Variants in SGCZ observed in about 807,000 individuals in gnomAD.
SGCZ encodes the protein sarcoglycan zeta, also known as zeta-sarcoglycan.
In SGCZ, 40 loss-of-function variants were observed where a neutral mutation model predicts 41.3. The observed-to-expected ratio is 0.97, with a 90% CI of 0.75 to 1.26. The LOEUF (loss-of-function observed/expected upper bound fraction) is 1.26. SGCZ is among the 50% of genes most tolerant of loss of function. SGCZ has a pLI of 0.00. For missense variants in SGCZ, 552 were observed against 369.8 expected, an observed-to-expected ratio of 1.49 and a Z score of -4.04; for synonymous variants, 206 against 137.5, an observed-to-expected ratio of 1.50 and a Z score of -3.49.
At chr8:14,885,616 A>G (rs1362613830) in intron 1 of SGCZ, among the ~76,000 whole-genome samples, 1 of 152,042 alleles carries the variant, frequency 6.6e-6, no homozygotes, top group Non-Finnish European at 1.5e-5. Flanking sequence ...CTTAACTGAC[A>G]TCTTAAAGTC....
chr8:15,189,689 C>G (rs571791090), intron 1 of SGCZ, among the ~76,000 whole-genome samples: 9 of 152,098 alleles, frequency 5.9e-5, no homozygotes, highest in African/African-American at 2.2e-4. Context: ...GCTGGGATTA[C>G]AGGTGCGTGC....
In SGCZ at chr8:14,586,900, G is replaced by A. The variant is rs149670616; in HGVS notation, c.40-31974C>T. 6.1e-3 allele frequency among the ~76,000 whole-genome samples: 926 copies of A among 151,946 alleles called. 11 individuals carry two copies. Among genetic ancestry groups the A allele is most frequent in the African/African-American group, 0.021 (880 of 41,446 alleles). ...AAATTTTGACAGATTAATAAAGTTC[G>A]TAGTGGTGATTACCTAGTTAAATTG... On this transcript the variant is annotated intron_variant, in intron 1 of 7. Coordinates refer to ENST00000382080, the MANE Select transcript of SGCZ (RefSeq NM_139167.4).
At chr8:15,167,560 A>C (rs772865770) in intron 1 of SGCZ, among the ~76,000 whole-genome samples, 1 of 152,222 alleles carries the variant, frequency 6.6e-6, no homozygotes, top group Non-Finnish European at 1.5e-5. Context: ...ATCAAAGCCA[A>C]ACCAAAAGGC....
intron 6 of SGCZ, among the ~76,000 whole-genome samples, chr8:14,105,210 G>A (rs953076904): frequency 1.3e-5 from 2 of 152,020 alleles, no homozygotes; most frequent in Non-Finnish European, 2.9e-5. Flanking sequence ...GTTTTAAAAT[G>A]CACATGGAAA....
At chr8:14,170,647 C>A (rs1804350798) in intron 4 of SGCZ, among the ~76,000 whole-genome samples, 1 of 152,018 alleles carries the variant, frequency 6.6e-6, no homozygotes, top group South Asian at 2.1e-4. Context: ...AACATATGTA[C>A]AAAATATTGT....
chr8:14,440,957 T>G (rs1800244140), intron 2 of SGCZ, among the ~76,000 whole-genome samples: 1 of 152,080 alleles, frequency 6.6e-6, no homozygotes, highest in African/African-American at 2.4e-5. Context: ...TCATGGAGAC[T>G]TTATGAAGGA....
intron 1 of SGCZ, among the ~76,000 whole-genome samples, chr8:15,156,163 G>C (rs985536642): frequency 1.3e-5 from 2 of 150,758 alleles, no homozygotes; most frequent in Non-Finnish European, 2.9e-5. Flanking sequence ...ATTTTTTTCT[G>C]TATGTTTCAC....
chr8:15,031,165 T>C (rs538414624), intron 1 of SGCZ, among the ~76,000 whole-genome samples: 1 of 152,300 alleles, frequency 6.6e-6, no homozygotes, highest in African/African-American at 2.4e-5. Flanking sequence ...CAGGATGCTA[T>C]GGCACTTTTA....
intron 7 of SGCZ, among the ~76,000 whole-genome samples, chr8:14,095,426 A>G (rs1417269292): frequency 6.6e-6 from 1 of 152,102 alleles, no homozygotes; most frequent in East Asian, 1.9e-4. Flanking sequence ...CAAAGTTCAG[A>G]TGGTCGTAGA....
chr8:14,277,650 C>G (rs1563229685), intron 3 of SGCZ, among the ~76,000 whole-genome samples: 1 of 152,024 alleles, frequency 6.6e-6, no homozygotes, highest in Admixed American at 6.6e-5. Context: ...GAATGATACC[C>G]TGAAGTATGG....
At chr8:14,938,555 T>C (rs1242547815) in intron 1 of SGCZ, among the ~76,000 whole-genome samples, 1 of 152,228 alleles carries the variant, frequency 6.6e-6, no homozygotes, top group Non-Finnish European at 1.5e-5. Context: ...ATACATAACA[T>C]ACAAATATGT....
At chr8:15,074,790 G>T (rs1424345206) in intron 1 of SGCZ, among the ~76,000 whole-genome samples, 3 of 152,060 alleles carry the variant, frequency 2.0e-5, no homozygotes, top group African/African-American at 7.2e-5. Flanking sequence ...ATTCATGCGT[G>T]GAATACATAG....
At chr8:15,013,415 C>G (rs1013713123) in intron 1 of SGCZ, among the ~76,000 whole-genome samples, 1 of 152,132 alleles carries the variant, frequency 6.6e-6, no homozygotes, top group Non-Finnish European at 1.5e-5. Flanking sequence ...TAATCTTGCC[C>G]TTAGCATCTA....
intron 1 of SGCZ, among the ~76,000 whole-genome samples, chr8:14,666,329 C>T (rs1172319285): frequency 6.6e-6 from 1 of 152,178 alleles, no homozygotes; most frequent in Non-Finnish European, 1.5e-5. Flanking sequence ...CAATCAGAGA[C>T]TTGCAGGATG....
chr8:15,117,461 A>G (rs911074693), intron 1 of SGCZ, among the ~76,000 whole-genome samples: 8 of 152,196 alleles, frequency 5.3e-5, no homozygotes, highest in Non-Finnish European at 1.2e-4. Flanking sequence ...TAATTTACAA[A>G]TCCATTGTGG....
intron 1 of SGCZ, among the ~76,000 whole-genome samples, chr8:15,200,515 C>T (rs935032016): frequency 1.3e-5 from 2 of 152,036 alleles, no homozygotes; most frequent in African/African-American, 4.8e-5. Context: ...GTAGGGGGTA[C>T]CATGGATAGC....
chr8:14,684,316 C>A (rs914518836), intron 1 of SGCZ, among the ~76,000 whole-genome samples: 2 of 152,232 alleles, frequency 1.3e-5, no homozygotes, highest in Non-Finnish European at 2.9e-5. Flanking sequence ...CAATCAAGTT[C>A]TTTAGGGAAA....
chr8:15,202,054 T>A (rs1288142841), intron 1 of SGCZ, among the ~76,000 whole-genome samples: 1 of 152,210 alleles, frequency 6.6e-6, no homozygotes, highest in South Asian at 2.1e-4. Context: ...GATTCTATTG[T>A]TGTCCACATC....
At chr8:14,496,090 G>T (rs759503532) in intron 2 of SGCZ, among the ~76,000 whole-genome samples, 7 of 152,084 alleles carry the variant, frequency 4.6e-5, no homozygotes, top group Non-Finnish European at 8.8e-5. Flanking sequence ...TTAAGGGATA[G>T]GCTCTCATTC....
Sources: allele counts gnomAD v4.1 joint callset (sites outside exome capture counted in the v4.1 genomes callset), GRCh38; gene constraint gnomAD v4.1.1; transcripts MANE v1.5; gene names NCBI Gene and HGNC (gene_info 2026-07-23, HGNC 2026-07-21).